Variants in ADCY2 observed in about 807,000 individuals in gnomAD.
The protein encoded by ADCY2 is adenylate cyclase type 2.
A neutral mutation model predicts 125.2 loss-of-function variants in ADCY2; 31 were observed. The observed-to-expected ratio is 0.25, with a 90% confidence interval of 0.19 to 0.33. ADCY2 has a LOEUF of 0.33. Among genes scored for constraint, ADCY2 ranks in the 10% least tolerant of loss-of-function variants. The pLI is 1.00. For missense variants in ADCY2, 904 were observed against 1,418.2 expected (o/e 0.64, Z 5.82); for synonymous variants, 512 against 548.4 (o/e 0.93, Z 0.93).
Position 7,474,008 on chromosome 5 carries a change from TC to T in ADCY2, c.409-46726del, listed in dbSNP as rs1163015573. 2.0e-5 allele frequency among the ~76,000 whole-genome samples: 3 copies of T among 152,324 alleles called. No individual in the cohort carries two copies. In the South Asian group the frequency reaches 6.2e-4, roughly 32 times the overall value. ...AAATGAGTCAGTATTCATGCCATTC[TC>T]CCCTGGGAAGCAGCTGTCTTTCTTA... is the stretch of plus-strand genomic sequence containing the variant. On this transcript the variant is annotated intron_variant, in intron 2 of 24. Transcript: ENST00000338316.
intron 2 of ADCY2, among the ~76,000 whole-genome samples, chr5:7,477,798 G>T (rs552442876): frequency 6.6e-6 from 1 of 152,288 alleles, no homozygotes; most frequent in African/African-American, 2.4e-5. Flanking sequence ...AACGGGAATT[G>T]AACCTGTCAT....
At chr5:7,610,681 T>G (rs1737547157) in intron 3 of ADCY2, among the ~76,000 whole-genome samples, 1 of 152,052 alleles carries the variant, frequency 6.6e-6, no homozygotes, top group Non-Finnish European at 1.5e-5. Context: ...TTGGGAATGA[T>G]TCAAAGAGGG....
chr5:7,496,585 C>A (rs989251340), intron 2 of ADCY2, among the ~76,000 whole-genome samples: 1 of 152,070 alleles, frequency 6.6e-6, no homozygotes, highest in Non-Finnish European at 1.5e-5. Flanking sequence ...ATATACTTCA[C>A]AATTTTGTTG....
intron 2 of ADCY2, among the ~76,000 whole-genome samples, chr5:7,440,169 A>G (rs1383565283): frequency 1.3e-5 from 2 of 152,192 alleles, no homozygotes; most frequent in African/African-American, 4.8e-5. Context: ...TTTGGCTTAA[A>G]TTCAAGTTGT....
intron 3 of ADCY2, among the ~76,000 whole-genome samples, chr5:7,580,230 C>T (rs1385337074): frequency 2.0e-5 from 3 of 152,032 alleles, no homozygotes; most frequent in African/African-American, 7.2e-5. Flanking sequence ...AAACAAAAAC[C>T]TTTACATGTA....
intron 3 of ADCY2, among the ~76,000 whole-genome samples, chr5:7,557,880 A>C (rs1735577264): frequency 6.6e-6 from 1 of 152,178 alleles, no homozygotes; most frequent in Non-Finnish European, 1.5e-5. Context: ...GTATATACCC[A>C]GATACCCAGT....
intron 14 of ADCY2, among the ~76,000 whole-genome samples, chr5:7,732,934 AGCT>A (rs758919472): frequency 6.6e-6 from 1 of 152,162 alleles, no homozygotes; most frequent in Non-Finnish European, 1.5e-5. Flanking sequence ...CTCTTTTTGG[AGCT>A]GCTCTCTCAC....
Position 7,603,741 on chromosome 5 carries a change from T to C in ADCY2, c.571-22426T>C, listed in dbSNP as rs1388547022. On this transcript the variant is annotated intron_variant, in intron 3 of 24. Transcript: ENST00000338316. ...GGCCAGTGAAGGTTCCAGTATGGCA[T>C]CTGCTTTCAAGCAGGAGAAAATTCT... Among the ~76,000 whole-genome samples the C allele has an allele frequency of 2.3e-5, 3 of 132,348 alleles. No individual in the cohort carries two copies. The East Asian group carries it at 6.7e-4, about 29-fold the overall frequency. The allele number at this position is 132,348 out of a possible 152,430, so 86.8% of individuals were successfully genotyped here.
rs567326211 is a variant in ADCY2 at position 7,755,079 on chromosome 5, T to C, written c.1957-2370T>C. Among the ~76,000 whole-genome samples, 178 of 152,332 alleles carry C rather than the reference T, an allele frequency of 1.2e-3. 1 individual carries two copies. Among genetic ancestry groups the C allele is most frequent in the African/African-American group, 3.8e-3 (159 of 41,580 alleles). On this transcript the variant is annotated intron_variant, in intron 15 of 24. Coordinates refer to ENST00000338316, the MANE Select transcript of ADCY2 (RefSeq NM_020546.3). ...ACATCTTGCTGCATGACAGATTTCC[T>C]GCCATCACCAACCCCTATCCAAACC...
At chr5:7,490,861 C>T (rs1024372301) in intron 2 of ADCY2, among the ~76,000 whole-genome samples, 7 of 152,090 alleles carry the variant, frequency 4.6e-5, no homozygotes, top group Admixed American at 3.3e-4. Flanking sequence ...ATCACAGTCA[C>T]CGTAAGTCAG....
chr5:7,713,443 G>A (rs921656980), intron 11 of ADCY2, among the ~76,000 whole-genome samples: 6 of 151,212 alleles, frequency 4.0e-5, no homozygotes, highest in South Asian at 2.1e-4. Context: ...ACAGTGAGCC[G>A]AGATCGTGCC....
chr5:7,817,942 C>G (rs1360338074), intron 23 of ADCY2, among the ~76,000 whole-genome samples: 2 of 149,436 alleles, frequency 1.3e-5, no homozygotes, highest in Non-Finnish European at 3.0e-5. Context: ...TGTTTCATGA[C>G]TTGCCTTTTA....
intron 24 of ADCY2, among the ~76,000 whole-genome samples, chr5:7,825,189 ACGC>A (rs1745431666): frequency 6.6e-6 from 1 of 152,014 alleles, no homozygotes; most frequent in Non-Finnish European, 1.5e-5. Flanking sequence ...CGCCACGACA[ACGC>A]TGCTGTGCGC....
intron 14 of ADCY2, among the ~76,000 whole-genome samples, chr5:7,729,764 C>T (rs1324961405): frequency 6.7e-6 from 1 of 148,812 alleles, no homozygotes; most frequent in Non-Finnish European, 1.5e-5. Flanking sequence ...ATAGAATATA[C>T]ATCATGTATA....
chr5:7,704,622 G>A (rs1405987732), intron 7 of ADCY2, among the ~76,000 whole-genome samples: 2 of 152,112 alleles, frequency 1.3e-5, no homozygotes, highest in African/African-American at 4.8e-5. Context: ...GGTCACACCT[G>A]TAATCCCAGC....
rs1741383394 is a variant in ADCY2, at chr5:7,709,849, T to G, written c.1578+462T>G. Among the ~76,000 whole-genome samples the G allele has an allele frequency of 6.6e-6, 1 of 152,164 alleles. No homozygotes were observed. Among genetic ancestry groups the G allele is most frequent in the Non-Finnish European group, 1.5e-5 (1 of 68,034 alleles). The stretch of plus-strand genomic sequence containing the variant: ...GATACTATCTTGTTATGGTTCCATG[T>G]TTCCCTGTGACCTCCAGCATATGAG... On this transcript the variant is annotated intron_variant, in intron 10 of 24. Transcript: ENST00000338316. The surrounding 1 kb of genome is among the most constrained non-coding windows in gnomAD (Gnocchi z 4.4).
At chr5:7,763,569 A>C (rs1743299753) in intron 16 of ADCY2, among the ~76,000 whole-genome samples, 2 of 151,632 alleles carry the variant, frequency 1.3e-5, no homozygotes, top group South Asian at 4.2e-4. Context: ...TGAAACACTC[A>C]CTCCCCATCC....
intron 3 of ADCY2, among the ~76,000 whole-genome samples, chr5:7,543,726 T>C (rs955344452): frequency 4.6e-5 from 7 of 152,066 alleles, no homozygotes; most frequent in East Asian, 1.9e-4. Context: ...AATGTCCCCA[T>C]TGGCCAGGCA....
At chr5:7,399,496 T>TA (rs1739184652) in intron 1 of ADCY2, among the ~76,000 whole-genome samples, 1 of 152,244 alleles carries the variant, frequency 6.6e-6, no homozygotes, top group African/African-American at 2.4e-5. Context: ...TTGTTGGCCC[T>TA]AAAGTTAAAG....
Sources: gnomAD v4.1 joint callset for allele counts (sites outside exome capture counted in the v4.1 genomes callset) on GRCh38, gnomAD v4.1.1 for gene constraint, Gnocchi (gnomAD v3.1) non-coding constraint, MANE v1.5 for transcripts, NCBI Gene and HGNC (gene_info 2026-07-23, HGNC 2026-07-21) for gene names.